The following EXOC4 variants were observed in gnomAD, a reference collection of about 807,000 sequenced individuals.
EXOC4 encodes exocyst complex component 4, also known as SEC8-like 1.
Under a neutral mutation model 107.2 loss-of-function variants are expected in EXOC4, and 71 were observed. The ratio of observed to expected loss-of-function variants is 0.66; its 90% CI spans 0.55 to 0.81. The LOEUF (loss-of-function observed/expected upper bound fraction) is 0.81, where lower values mean the gene tolerates loss of function less well. Ranked by LOEUF, EXOC4 falls within the 30% of genes least tolerant of loss-of-function variation. EXOC4 has a pLI of 0.00. For synonymous variants in EXOC4, 456 were observed against 441.2 expected (o/e 1.03, Z -0.42); for missense variants, 1,108 against 1,189.6 (o/e 0.93, Z 1.01).
rs72444310 is a variant in EXOC4, at chr7:133,739,222, TTGTGTGTGTGTGTG to T, written c.1515-78075_1515-78062del. Among the ~76,000 whole-genome samples, 364 of 142,408 alleles carry T rather than the reference TTGTGTGTGTGTGTG, an allele frequency of 2.6e-3. 2 individuals carry two copies. The highest frequency in any genetic ancestry group is 8.6e-3 in the African/African-American group (331 of 38,458). The allele number at this position is 142,408 out of a possible 152,430, so 93.4% of individuals were successfully genotyped here. A position where few individuals can be genotyped will look rare whatever the true frequency, so the allele number is the denominator to read the frequency against. The stretch of plus-strand genomic sequence containing the variant: ...CTTACAGAAGCACATGTAGAGGGGT[TTGTGTGTGTGTGTG>T]TGTGTGTGTGTGTGTGTGTGTGTGT... On this transcript the variant is annotated intron_variant, in intron 10 of 17. Transcript: ENST00000253861.
Position 133,920,621 on chromosome 7 carries a change from T to C in EXOC4, c.2027+2883T>C, listed in dbSNP as rs150724556. Among the ~76,000 whole-genome samples the C allele has an allele frequency of 1.1e-3, 175 of 152,364 alleles. 1 individual carries two copies. Among genetic ancestry groups the C allele is most frequent in the Non-Finnish European group, 1.5e-3 (103 of 68,022 alleles). On this transcript the variant is annotated intron_variant, in intron 13 of 17. Coordinates refer to ENST00000253861, the MANE Select transcript of EXOC4 (RefSeq NM_021807.4). ...CCTATCCTTTGTAACATTGCTGTCATTGATTTCATTTATCCATAAGCTAGA... is the reference window on the plus strand; with the variant it reads ...CCTATCCTTTGTAACATTGCTGTCACTGATTTCATTTATCCATAAGCTAGA...
At chr7:133,995,864 A>C (rs1563084829) in intron 14 of EXOC4, among the ~76,000 whole-genome samples, 1 of 152,194 alleles carries the variant, frequency 6.6e-6, no homozygotes, top group Non-Finnish European at 1.5e-5. Flanking sequence ...AAAGGTCATA[A>C]GTGTAGACAC....
intron 10 of EXOC4, among the ~76,000 whole-genome samples, chr7:133,787,506 C>T (rs1307118211): frequency 6.6e-6 from 1 of 151,934 alleles, no homozygotes; most frequent in African/African-American, 2.4e-5. Context: ...AAGAGACAGG[C>T]TTACTGTCTT....
chr7:133,329,355 G>C (rs1795324561), intron 5 of EXOC4, among the ~76,000 whole-genome samples: 1 of 152,056 alleles, frequency 6.6e-6, no homozygotes, highest in African/African-American at 2.4e-5. Flanking sequence ...TCCTTGTGAT[G>C]GGTTAGAACA....
At chr7:133,355,654 C>T (rs1244222474) in intron 5 of EXOC4, among the ~76,000 whole-genome samples, 1 of 152,050 alleles carries the variant, frequency 6.6e-6, no homozygotes, top group Non-Finnish European at 1.5e-5. Context: ...AGGCTTTTGA[C>T]ATATAACATT....
At chr7:133,350,070 A>G (rs1459123671) in intron 5 of EXOC4, among the ~76,000 whole-genome samples, 1 of 152,118 alleles carries the variant, frequency 6.6e-6, no homozygotes, top group Non-Finnish European at 1.5e-5. Context: ...TATTTTGTAT[A>G]TTAATACCTT....
intron 14 of EXOC4, among the ~76,000 whole-genome samples, chr7:133,943,176 T>C (rs1044733435): frequency 6.6e-6 from 1 of 152,210 alleles, no homozygotes; most frequent in Admixed American, 6.5e-5. Flanking sequence ...GTGCTGTAGA[T>C]CATCACTGAG....
At chr7:133,865,942 T>A (rs1390631896) in intron 11 of EXOC4, among the ~76,000 whole-genome samples, 1 of 152,202 alleles carries the variant, frequency 6.6e-6, no homozygotes, top group Non-Finnish European at 1.5e-5. Context: ...TGGAGACATC[T>A]GTTTTGCTAT....
chr7:133,951,562 T>C (rs1230726335), intron 14 of EXOC4, among the ~76,000 whole-genome samples: 1 of 152,230 alleles, frequency 6.6e-6, no homozygotes, highest in African/African-American at 2.4e-5. Flanking sequence ...TGCCCAAATC[T>C]GCCCTCTGTT....
chr7:133,934,097 T>C (rs1318332090), intron 13 of EXOC4, among the ~76,000 whole-genome samples: 1 of 152,224 alleles, frequency 6.6e-6, no homozygotes, highest in Non-Finnish European at 1.5e-5. Flanking sequence ...CAAACATTTT[T>C]CTGTGTTACC....
At chr7:133,660,244 T>A (rs1018044545) in intron 10 of EXOC4, among the ~76,000 whole-genome samples, 1 of 152,126 alleles carries the variant, frequency 6.6e-6, no homozygotes, top group African/African-American at 2.4e-5. Flanking sequence ...TGAGACTGAT[T>A]TAGTGTGGCT....
chr7:133,390,392 G>T (rs559765427), intron 7 of EXOC4, among the ~76,000 whole-genome samples: 54 of 152,234 alleles, frequency 3.5e-4, no homozygotes, highest in Non-Finnish European at 6.5e-4. Flanking sequence ...GCAGATTTTT[G>T]AGCAGAATCC....
At chr7:133,699,392 A>G (rs1255195263) in intron 10 of EXOC4, among the ~76,000 whole-genome samples, 1 of 152,198 alleles carries the variant, frequency 6.6e-6, no homozygotes, top group Non-Finnish European at 1.5e-5. Flanking sequence ...TTATTCAGGA[A>G]TAGCAGGGGA....
chr7:133,508,884 A>T (rs1052815007), intron 9 of EXOC4, among the ~76,000 whole-genome samples: 2 of 152,210 alleles, frequency 1.3e-5, no homozygotes, highest in South Asian at 2.1e-4. Flanking sequence ...ATAAAATGCT[A>T]TAGAGAGATA....
At chr7:133,910,571 C>G (rs1398420403) in intron 12 of EXOC4, among the ~76,000 whole-genome samples, 1 of 152,156 alleles carries the variant, frequency 6.6e-6, no homozygotes, top group African/African-American at 2.4e-5. Context: ...GTGTGTTGCT[C>G]CATCTTAACT....
At chr7:133,786,087 G>A (rs1375551158) in intron 10 of EXOC4, among the ~76,000 whole-genome samples, 1 of 152,078 alleles carries the variant, frequency 6.6e-6, no homozygotes, top group Non-Finnish European at 1.5e-5. Context: ...GTTCTATTTG[G>A]TAAATAAAAT....
chr7:133,344,909 C>CT (rs1309413800), intron 5 of EXOC4, among the ~76,000 whole-genome samples: 1 of 152,130 alleles, frequency 6.6e-6, no homozygotes, highest in Non-Finnish European at 1.5e-5. Flanking sequence ...ATATCACTTG[C>CT]TGGGATTAGG....
intron 10 of EXOC4, among the ~76,000 whole-genome samples, chr7:133,787,957 A>T (rs10247146): frequency 0.43 from 6,950 of 16,144 alleles, 1,674 homozygotes; most frequent in East Asian, 0.72. Context: ...GCATATATTT[A>T]TATATTTATA....
At position 133,766,678 on chromosome 7, in the gene EXOC4, A is replaced by G. The variant is rs572519214; in HGVS notation, c.1515-50647A>G. Among the ~76,000 whole-genome samples the G allele has an allele frequency of 2.0e-5, 3 of 152,124 alleles. No individual in the cohort carries two copies. In the South Asian group the frequency reaches 6.2e-4, roughly 32 times the overall value. Reference sequence around the variant, plus strand: ...CTTGCCTGCCCTTCCAAACTTCCTGATCACCTACTATAGAAGAGAGAGGGA... The same window carrying G: ...CTTGCCTGCCCTTCCAAACTTCCTGGTCACCTACTATAGAAGAGAGAGGGA... On this transcript the variant is annotated intron_variant, in intron 10 of 17. Coordinates refer to ENST00000253861, the MANE Select transcript of EXOC4 (RefSeq NM_021807.4).
Sources: allele counts gnomAD v4.1 joint callset (sites outside exome capture counted in the v4.1 genomes callset), GRCh38; gene constraint gnomAD v4.1.1; transcripts MANE v1.5; gene names NCBI Gene and HGNC (gene_info 2026-07-23, HGNC 2026-07-21).